CDH12: variants seen among roughly 807,000 people sequenced by gnomAD.
CDH12 encodes cadherin 12.
In CDH12, 41 loss-of-function variants were observed where a neutral mutation model predicts 74.1. The ratio of observed to expected loss-of-function variants is 0.55; its 90% CI spans 0.43 to 0.72. CDH12 has a LOEUF of 0.72. Ranked by LOEUF, CDH12 falls within the 30% of genes least tolerant of loss-of-function variation. The probability of loss-of-function intolerance (pLI) is 0.00; values close to 1 mark genes in which losing one functional copy is unlikely to be tolerated. For synonymous variants in CDH12, 399 were observed against 355.0 expected (o/e 1.12, Z -1.39); for missense variants, 945 against 977.2 (o/e 0.97, Z 0.44).
chr5:22,577,596 G>A (rs1303862708), intron 1 of CDH12, among the ~76,000 whole-genome samples: 1 of 152,114 alleles, frequency 6.6e-6, no homozygotes, highest in Non-Finnish European at 1.5e-5. Flanking sequence ...ACTAGATAAA[G>A]TGTAAACAAA....
At chr5:22,282,939 C>T (rs979706218) in intron 3 of CDH12, among the ~76,000 whole-genome samples, 3 of 152,020 alleles carry the variant, frequency 2.0e-5, no homozygotes, top group Non-Finnish European at 2.9e-5. Flanking sequence ...CACAAGCACA[C>T]GTATGTTTAT....
intron 4 of CDH12, among the ~76,000 whole-genome samples, chr5:22,124,351 C>A (rs7380305): frequency 0.45 from 68,692 of 151,696 alleles, 15,817 homozygotes; most frequent in Middle Eastern, 0.51. Context: ...TCTCAAAGTG[C>A]TGATCTCAGT....
intron 1 of CDH12, among the ~76,000 whole-genome samples, chr5:22,645,501 T>C (rs528560635): frequency 8.6e-5 from 13 of 152,016 alleles, no homozygotes; most frequent in African/African-American, 2.9e-4. Context: ...TGTGAAGGAA[T>C]CTACTTCTGG....
intron 4 of CDH12, among the ~76,000 whole-genome samples, chr5:22,169,951 T>C (rs1748924120): frequency 6.6e-6 from 1 of 151,926 alleles, no homozygotes; most frequent in African/African-American, 2.4e-5. Context: ...CCTATGAGGG[T>C]CCTATTTCTT....
At chr5:22,441,743 C>T (rs751832238) in intron 2 of CDH12, among the ~76,000 whole-genome samples, 6 of 152,020 alleles carry the variant, frequency 3.9e-5, no homozygotes, top group Non-Finnish European at 5.9e-5. Flanking sequence ...CTTGCTCTGT[C>T]GCCCAGGCTG....
intron 4 of CDH12, among the ~76,000 whole-genome samples, chr5:22,079,302 G>A (rs562106451): frequency 1.8e-4 from 28 of 152,252 alleles, no homozygotes; most frequent in African/African-American, 6.5e-4. Context: ...ATAGATGACA[G>A]TAGCACCCCT....
intron 5 of CDH12, among the ~76,000 whole-genome samples, chr5:22,017,616 T>C (rs2150158017): frequency 6.6e-6 from 1 of 152,202 alleles, no homozygotes; most frequent in African/African-American, 2.4e-5. Context: ...GTCCTTCTAT[T>C]GAATGAAGAA....
intron 3 of CDH12, among the ~76,000 whole-genome samples, chr5:22,384,896 T>C (rs1741934530): frequency 6.6e-6 from 1 of 152,198 alleles, no homozygotes; most frequent in Non-Finnish European, 1.5e-5. Flanking sequence ...GATTTTAATA[T>C]TTTAAATTCC....
intron 1 of CDH12, among the ~76,000 whole-genome samples, chr5:22,705,116 C>CATAT (rs71609776): frequency 1.9e-3 from 235 of 126,082 alleles, no homozygotes; most frequent in Middle Eastern, 8.8e-3. Context: ...CCCACCCAGT[C>CATAT]ATATATATAT....
At chr5:21,906,176 A>G (rs1270432040) in intron 6 of CDH12, among the ~76,000 whole-genome samples, 1 of 152,168 alleles carries the variant, frequency 6.6e-6, no homozygotes, top group African/African-American at 2.4e-5. Context: ...TCAAGAATAG[A>G]TTAGTTTCTT....
chr5:22,117,521 A>T (rs1352299047), intron 4 of CDH12, among the ~76,000 whole-genome samples: 1 of 89,790 alleles, frequency 1.1e-5, no homozygotes, highest in Admixed American at 1.4e-4. Flanking sequence ...TAATATATAT[A>T]TAATATATAT....
chr5:22,382,732 T>A (rs1348041467), intron 3 of CDH12, among the ~76,000 whole-genome samples: 2 of 152,172 alleles, frequency 1.3e-5, no homozygotes, highest in Non-Finnish European at 2.9e-5. Context: ...AAAAACGGAA[T>A]TTAGTATTAA....
At chr5:22,217,573 C>A (rs1401580648) in intron 3 of CDH12, among the ~76,000 whole-genome samples, 1 of 151,418 alleles carries the variant, frequency 6.6e-6, no homozygotes, top group Non-Finnish European at 1.5e-5. Flanking sequence ...TATTTTGTAT[C>A]TTTGAGGTAT....
intron 5 of CDH12, among the ~76,000 whole-genome samples, chr5:22,020,324 C>A (rs539649841): frequency 3.3e-5 from 5 of 151,924 alleles, no homozygotes; most frequent in African/African-American, 1.2e-4. Flanking sequence ...GAGGCTGAGG[C>A]GGGCAGATCG....
At chr5:22,842,235 A>G (rs1409051097) in intron 1 of CDH12, among the ~76,000 whole-genome samples, 3 of 152,198 alleles carry the variant, frequency 2.0e-5, no homozygotes, top group Non-Finnish European at 2.9e-5. Flanking sequence ...CCTGAAATGT[A>G]TAATGTTAAA....
At chr5:21,755,908 A>T (rs1281990468) in intron 13 of CDH12, 66 bp from the exon 14 acceptor site, 2 of 1,460,768 alleles carry the variant, frequency 1.4e-6, no homozygotes, top group Non-Finnish European at 1.9e-6. Context: ...TCAAGTTGGT[A>T]TCTGCTCAAT....
intron 1 of CDH12, among the ~76,000 whole-genome samples, chr5:22,553,213 A>C (rs980305505): frequency 2.6e-5 from 4 of 152,222 alleles, no homozygotes; most frequent in Admixed American, 2.6e-4. Flanking sequence ...GACACCCAAA[A>C]TGATAATTTA....
intron 3 of CDH12, among the ~76,000 whole-genome samples, chr5:22,265,762 G>T (rs956027313): frequency 6.6e-6 from 1 of 152,076 alleles, no homozygotes; most frequent in Non-Finnish European, 1.5e-5. Context: ...CAAAAGAAGT[G>T]CTTCCCATTC....
At chr5:22,369,154 A>G (rs1475199740) in intron 3 of CDH12, among the ~76,000 whole-genome samples, 3 of 151,992 alleles carry the variant, frequency 2.0e-5, no homozygotes, top group Non-Finnish European at 4.4e-5. Context: ...GAATGAATAA[A>G]AAATAAAATA....
Sources: allele counts gnomAD v4.1 joint callset (sites outside exome capture counted in the v4.1 genomes callset), GRCh38; gene constraint gnomAD v4.1.1; transcripts MANE v1.5; gene names NCBI Gene and HGNC (gene_info 2026-07-23, HGNC 2026-07-21).